The following PALM variants were observed in gnomAD, a reference collection of about 807,000 sequenced individuals.
PALM encodes paralemmin-1.
A neutral mutation model predicts 30.7 loss-of-function variants in PALM; 18 were observed. The ratio of observed to expected loss-of-function variants is 0.59; its 90% confidence interval spans 0.41 to 0.87. The LOEUF (loss-of-function observed/expected upper bound fraction) is 0.87, where lower values mean the gene tolerates loss of function less well. Among genes scored for constraint, PALM ranks in the 40% least tolerant of loss-of-function variants. PALM has a pLI of 0.00. For synonymous variants in PALM, 286 were observed against 242.8 expected (o/e 1.18, Z -1.66); for missense variants, 529 against 555.4 (o/e 0.95, Z 0.48).
intron 1 of PALM, among the ~76,000 whole-genome samples, chr19:725,083 C>G (rs937624675): frequency 6.6e-6 from 1 of 151,494 alleles, no homozygotes; most frequent in Admixed American, 6.6e-5. Context: ...AGCCTCCACG[C>G]CCAGCTAATT....
intron 1 of PALM, among the ~76,000 whole-genome samples, chr19:710,198 A>T (rs1316941768): frequency 6.6e-6 from 1 of 152,068 alleles, no homozygotes; most frequent in Admixed American, 6.5e-5. Flanking sequence ...GTGTTTTCTA[A>T]GCCGCCAACT....
intron 1 of PALM, among the ~76,000 whole-genome samples, chr19:721,330 A>G (rs2032473696): frequency 6.6e-6 from 1 of 152,084 alleles, no homozygotes. Context: ...CGGTGGCACG[A>G]TCTCGGCTCA....
intron 4 of PALM, 29 bp from the exon 5 acceptor site, chr19:731,066 T>G: frequency 6.7e-7 from 1 of 1,491,078 alleles, no homozygotes; most frequent in East Asian, 2.4e-5. Context: ...GATGCAGGAG[T>G]CACCCTCACA....
At chr19:736,686 G>T (rs1046873629) in intron 7 of PALM, among the ~76,000 whole-genome samples, 1 of 152,218 alleles carries the variant, frequency 6.6e-6, no homozygotes, top group Non-Finnish European at 1.5e-5. Flanking sequence ...CACAGGACAG[G>T]AGCCCAATAA....
chr19:710,523 A>G (rs1281449017), intron 1 of PALM, among the ~76,000 whole-genome samples: 1 of 152,014 alleles, frequency 6.6e-6, no homozygotes, highest in African/African-American at 2.4e-5. Flanking sequence ...GGGGCTGCCT[A>G]GGAGGACGAC....
chr19:719,697 ACCCCTGCGCCGGGGTCCTGGTC>A, intron 1 of PALM: 1 of 889,630 alleles, frequency 1.1e-6, no homozygotes, highest in Non-Finnish European at 1.3e-6. Flanking sequence ...TCCTTCCGTG[ACCCCTGCGCCGGGGTCCTGGTC>A]CCAGCCTCGC....
rs1221589015 is a variant in PALM at position 746,187 on chromosome 19, A to T, written c.635-98A>T. ...TTTCCTCTTTAGCCTGGAGGAGGAT[A>T]CAAGCCTTGCCAAGGTTTCCCTCCT... On this transcript the variant is annotated intron_variant, in intron 8 of 8. Coordinates refer to ENST00000338448, the MANE Select transcript of PALM (RefSeq NM_002579.3). The surrounding 1 kb of genome is among the most constrained non-coding windows in gnomAD (Gnocchi z 7.1). 1 of 866,550 alleles carries T rather than the reference A, an allele frequency of 1.2e-6. No individual in the cohort carries two copies. The highest frequency in any genetic ancestry group is 1.9e-6 in the Non-Finnish European group (1 of 539,674). The allele number at this position is 866,550 out of a possible 1,614,324, so 53.7% of individuals were successfully genotyped here. A position where few individuals can be genotyped will look rare whatever the true frequency, so the allele number is the denominator to read the frequency against.
intron 1 of PALM, among the ~76,000 whole-genome samples, chr19:711,389 G>A (rs1289241545): frequency 3.3e-5 from 5 of 152,140 alleles, no homozygotes; most frequent in Non-Finnish European, 4.4e-5. Context: ...TCAAACCCCC[G>A]GGATAGGGAG....
chr19:726,965 G>GGGGGGGGGGGGGCCACGGGC, intron 2 of PALM, 43 bp from the exon 3 acceptor site: 1 of 1,037,618 alleles, frequency 9.6e-7, no homozygotes, highest in Non-Finnish European at 1.4e-6. Flanking sequence ...GGGTCTCCGG[G>GGGGGGGGGGGGGCCACGGGC]ACCCCCACGC....
intron 4 of PALM, among the ~76,000 whole-genome samples, chr19:730,190 G>C (rs555312983): frequency 7.9e-6 from 1 of 126,790 alleles, no homozygotes; most frequent in South Asian, 2.5e-4. Context: ...ACCTCCTGCA[G>C]GAAGCCCTCC....
At chr19:723,747 C>T (rs963475320) in intron 1 of PALM, among the ~76,000 whole-genome samples, 6 of 152,094 alleles carry the variant, frequency 3.9e-5, no homozygotes, top group African/African-American at 9.7e-5. Flanking sequence ...CCTGCCATCA[C>T]GCTCGGCTAA....
intron 6 of PALM, 93 bp downstream of exon 6, chr19:734,287 C>G (rs956581573): frequency 4.1e-6 from 5 of 1,212,198 alleles, no homozygotes; most frequent in Admixed American, 3.6e-5. Context: ...CAAAGTTGCT[C>G]GGTGCCTCAC....
chr19:732,254 C>G (rs2032899188), intron 5 of PALM, among the ~76,000 whole-genome samples: 1 of 152,212 alleles, frequency 6.6e-6, no homozygotes, highest in Admixed American at 6.5e-5. Flanking sequence ...GAAAGCCCTT[C>G]CTGTGGGAAC....
At position 741,427 on chromosome 19, in the gene PALM, C is replaced by CTGCAGGGGTGAGGGGAGACG. The variant is rs2033186675; in HGVS notation, c.634+944_634+945insTGCAGGGGTGAGGGGAGACG. ...GACGGGCTGCAGGGGTGAGGGGAGA[C>CTGCAGGGGTGAGGGGAGACG]GGGCTGCAGGGGTGAGGGGAGACGG... is the stretch of plus-strand genomic sequence containing the variant. On this transcript the variant is annotated intron_variant, in intron 8 of 8. Coordinates refer to ENST00000338448, the MANE Select transcript of PALM (RefSeq NM_002579.3). 5.7e-5 allele frequency among the ~76,000 whole-genome samples: 6 copies of CTGCAGGGGTGAGGGGAGACG among 105,864 alleles called. 1 individual carries two copies. Among genetic ancestry groups the CTGCAGGGGTGAGGGGAGACG allele is most frequent in the African/African-American group, 2.4e-4 (6 of 25,424 alleles). 69.5% of individuals were successfully genotyped at this position (105,864 alleles called of 152,430 possible). A position where few individuals can be genotyped will look rare whatever the true frequency, so the allele number is the denominator to read the frequency against.
At chr19:713,736 G>C (rs761740400) in intron 1 of PALM, among the ~76,000 whole-genome samples, 3 of 150,632 alleles carry the variant, frequency 2.0e-5, no homozygotes, top group African/African-American at 7.3e-5. Context: ...GCGCCACTGC[G>C]CCTGGCTAAT....
chr19:727,226 G>GACCCCA, intron 3 of PALM, 138 bp downstream of exon 3: 1 of 494,740 alleles, frequency 2.0e-6, no homozygotes, highest in Non-Finnish European at 3.4e-6. Flanking sequence ...CCCTGACCCC[G>GACCCCA]ACCCTGACCC....
At chr19:744,858 C>A (rs2033291852) in intron 8 of PALM, among the ~76,000 whole-genome samples, 1 of 145,874 alleles carries the variant, frequency 6.9e-6, no homozygotes. Flanking sequence ...TGCGCCACTG[C>A]ACTCCACCCT....
chr19:728,334 T>C (rs1384284560), intron 4 of PALM, among the ~76,000 whole-genome samples: 1 of 152,126 alleles, frequency 6.6e-6, no homozygotes, highest in Non-Finnish European at 1.5e-5. Context: ...ACGTCTGCCC[T>C]GGCCAGGGAA....
rs972593594 is a variant in PALM, at chr19:746,909, C to T, written c.*95C>T. ...TGCCCACCCTCCACCCACAGCCTCA[C>T]GGGTCCAGGACTTGGCGTGTTGTTA... is the stretch of plus-strand genomic sequence containing the variant. On this transcript the variant is annotated 3_prime_UTR_variant, in exon 9 of 9. Coordinates refer to ENST00000338448, the MANE Select transcript of PALM (RefSeq NM_002579.3). This position sits in a 1 kb window ranked among gnomAD's most constrained non-coding sequence, Gnocchi z 7.1. 8.5e-6 allele frequency: 6 copies of T among 701,936 alleles called. No homozygotes were observed. The highest frequency in any genetic ancestry group is 2.7e-5 in the East Asian group (1 of 36,848). 43.5% of individuals were successfully genotyped at this position (701,936 alleles called of 1,614,324 possible).
Sources: allele counts gnomAD v4.1 joint callset (sites outside exome capture counted in the v4.1 genomes callset), GRCh38; gene constraint gnomAD v4.1.1; non-coding constraint Gnocchi (gnomAD v3.1); transcripts MANE v1.5; gene names NCBI Gene and HGNC (gene_info 2026-07-23, HGNC 2026-07-21).